The following PTPRG variants were observed in gnomAD, a reference collection of about 807,000 sequenced individuals.
PTPRG encodes protein tyrosine phosphatase receptor type G, also known as receptor-type tyrosine-protein phosphatase gamma.
In PTPRG, 102 loss-of-function variants were observed where a neutral mutation model predicts 165.3. That is an observed-to-expected ratio of 0.62 (90% CI 0.53 to 0.73). The LOEUF is 0.73. Ranked by LOEUF, PTPRG falls within the 30% of genes least tolerant of loss-of-function variation. The pLI, the probability that PTPRG is intolerant of heterozygous loss-of-function variation, is 0.00. For missense variants in PTPRG, 1,866 were observed against 1,861.4 expected (o/e 1.00, Z -0.05); for synonymous variants, 675 against 669.5 (o/e 1.01, Z -0.13).
chr3:62,092,439 G>GGA (rs369183881), intron 5 of PTPRG, among the ~76,000 whole-genome samples: 11 of 89,432 alleles, frequency 1.2e-4, no homozygotes, highest in South Asian at 7.9e-4. Flanking sequence ...GAGTCCATCT[G>GGA]AAAAAAAAAA....
At chr3:62,147,336 GCCTGGCC>G (rs1327072073) in intron 6 of PTPRG, among the ~76,000 whole-genome samples, 3 of 152,170 alleles carry the variant, frequency 2.0e-5, no homozygotes, top group Non-Finnish European at 4.4e-5. Flanking sequence ...TGCTGCTGCT[GCCTGGCC>G]CTATGCACAT....
At chr3:61,974,706 A>G (rs2040463243) in intron 2 of PTPRG, among the ~76,000 whole-genome samples, 3 of 152,284 alleles carry the variant, frequency 2.0e-5, no homozygotes, top group South Asian at 2.1e-4. Flanking sequence ...ATATGATTCT[A>G]TTGGAAACGT....
Position 61,895,250 on chromosome 3 carries a change from G to A in PTPRG, c.191-94375G>A, listed in dbSNP as rs76971461. Among the ~76,000 whole-genome samples the A allele has an allele frequency of 4.7e-4, 72 of 152,328 alleles. 1 individual carries two copies. The East Asian group carries it at 6.4e-3, about 13-fold the overall frequency. On this transcript the variant is annotated intron_variant, in intron 2 of 29. Transcript: ENST00000474889. The stretch of plus-strand genomic sequence containing the variant: ...TAGTTGGTCTGGCTGGGAGCCAAGG[G>A]ATCTGGAAAGTGATTGATGCAGGGT...
At chr3:61,714,228 T>C (rs2031703184) in intron 1 of PTPRG, among the ~76,000 whole-genome samples, 1 of 151,974 alleles carries the variant, frequency 6.6e-6, no homozygotes, top group African/African-American at 2.4e-5. Context: ...GGACTAGAGG[T>C]TGCTGATTGT....
At chr3:61,793,794 T>C (rs1404677389) in intron 2 of PTPRG, among the ~76,000 whole-genome samples, 2 of 152,316 alleles carry the variant, frequency 1.3e-5, no homozygotes, top group South Asian at 2.1e-4. Context: ...CCAGTTTCCT[T>C]GAGCTAAAAG....
chr3:62,208,548 C>T (rs1291247701), intron 12 of PTPRG, among the ~76,000 whole-genome samples: 1 of 152,130 alleles, frequency 6.6e-6, no homozygotes, highest in Non-Finnish European at 1.5e-5. Flanking sequence ...GCTAAGGGGA[C>T]ATTCCACTTC....
At chr3:62,138,083 A>G (rs1703781236) in intron 6 of PTPRG, among the ~76,000 whole-genome samples, 1 of 152,142 alleles carries the variant, frequency 6.6e-6, no homozygotes, top group Non-Finnish European at 1.5e-5. Flanking sequence ...GCTGCACTGT[A>G]TGTTCATTAG....
intron 5 of PTPRG, among the ~76,000 whole-genome samples, chr3:62,092,980 G>A (rs769286934): frequency 6.6e-5 from 10 of 152,156 alleles, no homozygotes; most frequent in Non-Finnish European, 1.5e-4. Flanking sequence ...TCAGTGGGCC[G>A]AGAAAGTGTA....
At chr3:61,642,472 G>A (rs1290907667) in intron 1 of PTPRG, among the ~76,000 whole-genome samples, 1 of 152,122 alleles carries the variant, frequency 6.6e-6, no homozygotes, top group East Asian at 1.9e-4. Flanking sequence ...GAGTGATCTG[G>A]TTCTACAAGC....
chr3:62,043,422 A>C (rs1204803675), intron 4 of PTPRG, among the ~76,000 whole-genome samples: 1 of 152,214 alleles, frequency 6.6e-6, no homozygotes, highest in African/African-American at 2.4e-5. Context: ...ATTTTATTAA[A>C]GAATTTTTAT....
In PTPRG at chr3:62,273,796, C is replaced by G. The variant is rs748071937; in HGVS notation, c.3417C>G (p.Ile1139Met). The G allele has an allele frequency of 1.9e-6, 3 of 1,613,822 alleles. No homozygotes were observed. The Admixed American group carries it at 5.0e-5, about 27-fold the overall frequency. The change falls in exon 23 of 30, where the codon ATC becomes ATG. Residue 1139 changes from isoleucine to methionine, a missense_variant. Ile to Met is a conservative substitution (Grantham distance 10). Coordinates refer to ENST00000474889, the MANE Select transcript of PTPRG (RefSeq NM_002841.4). This position sits in a 1 kb window ranked among gnomAD's most constrained non-coding sequence, Gnocchi z 4.1. ...SNQLHSYVNS[I>M]LIPGVGGKTR... ...AGCTGCACAGCTATGTTAACAGCATCCTTATACCAGGAGTAGGAGGAAAGA... is the reference window on the plus strand; with the variant it reads ...AGCTGCACAGCTATGTTAACAGCATGCTTATACCAGGAGTAGGAGGAAAGA...
At chr3:61,684,890 A>G (rs1368954433) in intron 1 of PTPRG, among the ~76,000 whole-genome samples, 1 of 152,160 alleles carries the variant, frequency 6.6e-6, no homozygotes, top group South Asian at 2.1e-4. Context: ...TGATCGTGAT[A>G]TCTGTCACCA....
chr3:62,096,096 G>A (rs960820872), intron 5 of PTPRG, among the ~76,000 whole-genome samples: 1 of 152,116 alleles, frequency 6.6e-6, no homozygotes, highest in African/African-American at 2.4e-5. Context: ...GAGAAGTAGG[G>A]GAGGACACAT....
intron 1 of PTPRG, among the ~76,000 whole-genome samples, chr3:61,601,415 C>T (rs1237239875): frequency 6.6e-6 from 1 of 152,172 alleles, no homozygotes; most frequent in Non-Finnish European, 1.5e-5. Context: ...GCATGTTGGC[C>T]TCTGCTATTT....
intron 1 of PTPRG, among the ~76,000 whole-genome samples, chr3:61,619,657 C>T (rs1410848764): frequency 2.0e-5 from 3 of 152,174 alleles, no homozygotes; most frequent in African/African-American, 7.2e-5. Context: ...TTTATCTTCC[C>T]ATTATAGTAC....
intron 1 of PTPRG, among the ~76,000 whole-genome samples, chr3:61,671,763 G>C (rs1287725080): frequency 3.4e-5 from 4 of 119,048 alleles, no homozygotes; most frequent in African/African-American, 1.4e-4. Flanking sequence ...CTGGCCGGGC[G>C]GGGGGCTGAC....
chr3:61,782,982 T>G (rs569496757), intron 2 of PTPRG, among the ~76,000 whole-genome samples: 64 of 152,114 alleles, frequency 4.2e-4, no homozygotes, highest in Admixed American at 3.1e-3. Flanking sequence ...AAAACAAATT[T>G]TTTTTAAGAG....
chr3:62,071,669 C>T (rs543827395), intron 4 of PTPRG, among the ~76,000 whole-genome samples: 2 of 152,318 alleles, frequency 1.3e-5, no homozygotes, highest in East Asian at 3.9e-4. Context: ...TTAAGCAATA[C>T]TCCTGCCAAT....
chr3:61,901,760 G>T (rs2038504474), intron 2 of PTPRG, among the ~76,000 whole-genome samples: 1 of 152,144 alleles, frequency 6.6e-6, no homozygotes, highest in African/African-American at 2.4e-5. Context: ...TGCTCCTGGG[G>T]TCTGAACCAT....
Sources: gnomAD v4.1 joint callset for allele counts (sites outside exome capture counted in the v4.1 genomes callset) on GRCh38, gnomAD v4.1.1 for gene constraint, Gnocchi (gnomAD v3.1) non-coding constraint, MANE v1.5 for transcripts, NCBI Gene and HGNC (gene_info 2026-07-23, HGNC 2026-07-21) for gene names.